The following DNAJC9 variants were observed in gnomAD, a reference collection of about 807,000 sequenced individuals.
The protein encoded by DNAJC9 is DnaJ heat shock protein family (Hsp40) member C9.
In DNAJC9, 18 loss-of-function variants were observed where a neutral mutation model predicts 32.4. The ratio of observed to expected loss-of-function variants is 0.56; its 90% CI spans 0.38 to 0.82. The LOEUF (loss-of-function observed/expected upper bound fraction) is 0.82. Among genes scored for constraint, DNAJC9 ranks in the 40% least tolerant of loss-of-function variants. The probability of loss-of-function intolerance (pLI) is 0.00; values close to 1 mark genes in which losing one functional copy is unlikely to be tolerated. For missense variants in DNAJC9, 310 were observed against 321.8 expected (o/e 0.96, Z 0.28); for synonymous variants, 113 against 122.1 (o/e 0.93, Z 0.49).
chr10:73,246,257 T>C, intron 2 of DNAJC9, 81 bp from the exon 3 acceptor site: 1 of 1,467,822 alleles, frequency 6.8e-7, no homozygotes, highest in Non-Finnish European at 9.3e-7. Flanking sequence ...GAGTTGGGTG[T>C]TGAATTGCTG....
downstream of DNAJC9, chr10:73,234,097 G>T (rs2043769648): frequency 6.6e-6 from 1 of 152,196 alleles, no homozygotes; most frequent in East Asian, 1.9e-4. Flanking sequence ...GTCTTAGGAT[G>T]ATTAATTTCT....
intron 2 of DNAJC9, among the ~76,000 whole-genome samples, chr10:73,233,654 A>T (rs2043761154): frequency 6.6e-6 from 1 of 152,200 alleles, no homozygotes; most frequent in African/African-American, 2.4e-5. Context: ...GGGGTTAAAT[A>T]ATTTTAATGA....
At chr10:73,232,284 ATTATT>A (rs1188748925) in intron 2 of DNAJC9, among the ~76,000 whole-genome samples, 2 of 152,318 alleles carry the variant, frequency 1.3e-5, no homozygotes, top group Admixed American at 1.3e-4. Context: ...TAGGTGTGGT[ATTATT>A]TTATTTATTG....
chr10:73,238,577 G>C (rs187433049), downstream of DNAJC9, among the ~76,000 whole-genome samples: 398 of 152,320 alleles, frequency 2.6e-3, no homozygotes, highest in African/African-American at 8.5e-3. Flanking sequence ...CTGAGTAATT[G>C]CAACAACCAC....
chr10:73,235,076 T>C, downstream of DNAJC9: 3 of 1,448,264 alleles, frequency 2.1e-6, no homozygotes, highest in Non-Finnish European at 2.8e-6. Context: ...ATTTATGACG[T>C]GGAATTGGAG....
chr10:73,245,934 T>C lies in DNAJC9; in HGVS notation c.564A>G (p.Ala188=). 6.2e-7 allele frequency: 1 copy of C among 1,611,240 alleles called. No individual in the cohort carries two copies. The highest frequency in any genetic ancestry group is 8.5e-7 in the Non-Finnish European group (1 of 1,179,232). ...TTCAAAATCTTACCCTCCTTTTCCT[T>C]GCATTCATCTTTTGTTTCGATTCTT... The part of the protein sequence containing the change: ...FVKESKQKMN[A]RKRRAQEEAK... The change falls in exon 3 of 5, where the codon GCA becomes GCG. Residue 188 remains alanine (A), a synonymous_variant. Transcript: ENST00000372950.
chr10:73,242,896 C>G lies in DNAJC9; in HGVS notation c.*504G>C, dbSNP rs1253904587. The G allele has an allele frequency of 6.5e-6, 1 of 153,678 alleles. No individual in the cohort carries two copies. The highest frequency in any genetic ancestry group is 2.4e-5 in the African/African-American group (1 of 41,416). The allele number at this position is 153,678 out of a possible 1,614,324, so 9.5% of individuals were successfully genotyped here. ...CAAAAATGCTTGAAGTAATTTAACA[C>G]CTGTACATCAGTACAAAACCTGGCT... is the stretch of plus-strand genomic sequence containing the variant. On this transcript the variant is annotated 3_prime_UTR_variant, in exon 5 of 5. Transcript: ENST00000372950.
intron 1 of DNAJC9, 72 bp downstream of exon 1, chr10:73,246,938 C>G: frequency 6.4e-7 from 1 of 1,572,442 alleles, no homozygotes; most frequent in South Asian, 1.2e-5. Context: ...TCCCCCGGGG[C>G]GGGGCCCGGT....
At position 73,246,841 on chromosome 10, in the gene DNAJC9, A is replaced by G; in HGVS notation, c.181-13T>C. 1 of 1,613,700 alleles carries G rather than the reference A, an allele frequency of 6.2e-7. No individual in the cohort carries two copies. Among genetic ancestry groups the G allele is most frequent in the South Asian group, 1.1e-5 (1 of 91,056 alleles). The stretch of plus-strand genomic sequence containing the variant: ...CTTTTCCCAGGATCTGAGGGCAAAG[A>G]GTATCCGTAAATCACCCCTGCTCCT... On this transcript the variant is annotated splice_polypyrimidine_tract_variant and intron_variant, in intron 1 of 4. Transcript: ENST00000372950.
At chr10:73,241,119 G>T, downstream of DNAJC9, 2 of 753,602 alleles carry the variant, frequency 2.7e-6, no homozygotes, top group Non-Finnish European at 2.3e-6. Flanking sequence ...AGATCGACTA[G>T]AAATCATCTT....
downstream of DNAJC9, among the ~76,000 whole-genome samples, chr10:73,237,463 C>T (rs996366076): frequency 5.3e-5 from 8 of 151,986 alleles, no homozygotes; most frequent in African/African-American, 1.9e-4. Context: ...GTCGCCCAGG[C>T]TAGAGTGCTG....
chr10:73,233,325 A>G (rs1372644633), intron 2 of DNAJC9: 1 of 603,424 alleles, frequency 1.7e-6, no homozygotes, highest in African/African-American at 1.9e-5. Context: ...AAAATTTTTT[A>G]ATGTGGTTAA....
At chr10:73,233,294 C>A (rs1202422229) in intron 2 of DNAJC9, 13 of 690,118 alleles carry the variant, frequency 1.9e-5, no homozygotes, top group Non-Finnish European at 2.4e-5. Flanking sequence ...GACAGATTGC[C>A]CATGGGTTTA....
At chr10:73,241,396 T>A (rs967124424), downstream of DNAJC9, 3 of 234,226 alleles carry the variant, frequency 1.3e-5, no homozygotes, top group Admixed American at 1.5e-4. Context: ...TCAGTGACAA[T>A]ATCACTGGCT....
chr10:73,247,062 T>G lies in DNAJC9; in HGVS notation c.128A>C (p.His43Pro). 1.3e-6 allele frequency: 2 copies of G among 1,583,322 alleles called. No homozygotes were observed. Among genetic ancestry groups the G allele is most frequent in the Non-Finnish European group, 1.7e-6 (2 of 1,166,016 alleles). The change falls in exon 1 of 5, where the codon CAC becomes CCC. Residue 43 changes from histidine (H) to proline (P), a missense_variant. Coordinates refer to ENST00000372950, the MANE Select transcript of DNAJC9 (RefSeq NM_015190.5). ...RGYHKVSLQVHPDRVGEGDKE... is the reference protein window; with the variant it reads ...RGYHKVSLQVPPDRVGEGDKE... ...GTCGCCCTCACCCACCCGGTCCGGG[T>G]GTACCTGCAGGGACACCTTGTGGTA...
chr10:73,232,313 A>G (rs1342023935), intron 2 of DNAJC9, among the ~76,000 whole-genome samples: 1 of 152,206 alleles, frequency 6.6e-6, no homozygotes, highest in Non-Finnish European at 1.5e-5. Flanking sequence ...GACTTACAGA[A>G]AAGGGTTGTA....
downstream of DNAJC9, among the ~76,000 whole-genome samples, chr10:73,237,728 T>G (rs114121491): frequency 1.1e-4 from 16 of 152,010 alleles, no homozygotes; most frequent in African/African-American, 3.6e-4. Context: ...AGCCAAACAT[T>G]TCATTTTTTT....
rs963962055 is a variant in DNAJC9 at position 73,242,204 on chromosome 10, G to C, written c.*1196C>G. On this transcript the variant is annotated 3_prime_UTR_variant, in exon 5 of 5. Coordinates refer to ENST00000372950, the MANE Select transcript of DNAJC9 (RefSeq NM_015190.5). ...CTATTTGTAGTCACAAACCGAAAAC[G>C]TGTCGTCTTTACCTTAGAGCTAAAG... is the stretch of plus-strand genomic sequence containing the variant. 3 of 152,032 alleles carry C rather than the reference G, an allele frequency of 2.0e-5. No individual in the cohort carries two copies. The highest frequency in any genetic ancestry group is 4.4e-5 in the Non-Finnish European group (3 of 68,002). The allele number at this position is 152,032 out of a possible 1,614,324, so 9.4% of individuals were successfully genotyped here. A position where few individuals can be genotyped will look rare whatever the true frequency, so the allele number is the denominator to read the frequency against.
downstream of DNAJC9, chr10:73,240,974 T>A: frequency 1.9e-6 from 3 of 1,542,596 alleles, no homozygotes; most frequent in Non-Finnish European, 2.6e-6. Context: ...CTACAAAATC[T>A]CAAAGCGGAG....
Sources: allele counts gnomAD v4.1 joint callset (sites outside exome capture counted in the v4.1 genomes callset), GRCh38; gene constraint gnomAD v4.1.1; transcripts MANE v1.5; gene names NCBI Gene and HGNC (gene_info 2026-07-23, HGNC 2026-07-21).